The following ANKMY1 variants were observed in gnomAD, a reference collection of about 807,000 sequenced individuals.
ANKMY1 encodes ankyrin repeat and MYND domain containing 1.
A neutral mutation model predicts 102.0 loss-of-function variants in ANKMY1; 98 were observed. The ratio of observed to expected loss-of-function variants is 0.96; its 90% CI spans 0.82 to 1.14. The LOEUF (loss-of-function observed/expected upper bound fraction) is 1.14, where lower values mean the gene tolerates loss of function less well. Among genes scored for constraint, ANKMY1 ranks in the 50% most tolerant of loss-of-function variants. The pLI, the probability that ANKMY1 is intolerant of heterozygous loss-of-function variation, is 0.00. For missense variants in ANKMY1, 1,330 were observed against 1,347.6 expected (o/e 0.99, Z 0.20); for synonymous variants, 582 against 559.9 (o/e 1.04, Z -0.56).
In ANKMY1 at chr2:240,525,673, CG is replaced by C. The variant is rs1559325701; in HGVS notation, c.1335+11del. 2 of 1,612,744 alleles carry C rather than the reference CG, an allele frequency of 1.2e-6. No homozygotes were observed. The highest frequency in any genetic ancestry group is 1.7e-6 in the Non-Finnish European group (2 of 1,179,342). Reference sequence around the variant, plus strand: ...AGACAGTTGGTGGTGCAGTGGCCACCGGGGGGCTTACCTGGGGCTCAGGTAT... The same window carrying C: ...AGACAGTTGGTGGTGCAGTGGCCACCGGGGGCTTACCTGGGGCTCAGGTAT... On this transcript the variant is annotated intron_variant, in intron 7 of 17. Transcript: ENST00000401804.
In ANKMY1 at chr2:240,520,614, G is replaced by T. The variant is rs2082032626; in HGVS notation, c.1833-81C>A. ...CAGAACGGGGCCATGCCAGCGAGGA[G>T]GCTGGGGAGGGGCGCGTAGGGAGTA... On this transcript the variant is annotated intron_variant, in intron 8 of 17. Transcript: ENST00000401804. The surrounding 1 kb of genome is among the most constrained non-coding windows in gnomAD (Gnocchi z 4.8). The T allele has an allele frequency of 2.0e-6, 3 of 1,491,894 alleles. No individual in the cohort carries two copies. Among genetic ancestry groups the T allele is most frequent in the Non-Finnish European group, 2.7e-6 (3 of 1,117,202 alleles). 92.4% of individuals were successfully genotyped at this position (1,491,894 alleles called of 1,614,324 possible). A position where few individuals can be genotyped will look rare whatever the true frequency, so the allele number is the denominator to read the frequency against.
At chr2:240,507,767 GC>G in intron 12 of ANKMY1, 76 bp from the exon 13 acceptor site, 1 of 1,500,292 alleles carries the variant, frequency 6.7e-7, no homozygotes, top group South Asian at 1.4e-5. Context: ...CCAGGGCTGG[GC>G]CACTCCAGAA....
the ANKMY1 span, among the ~76,000 whole-genome samples, chr2:240,471,972 TG>T: frequency 6.6e-6 from 1 of 151,540 alleles, no homozygotes; most frequent in Non-Finnish European, 1.5e-5. Context: ...CCACCAACCT[TG>T]GTTCCACTGC....
chr2:240,551,934 G>GT (rs1424172000), intron 4 of ANKMY1, among the ~76,000 whole-genome samples: 1 of 152,176 alleles, frequency 6.6e-6, no homozygotes, highest in Non-Finnish European at 1.5e-5. Flanking sequence ...CTCTCAAAAA[G>GT]TATCAAAGAG....
chr2:240,557,488 C>T (rs957407910), intron 1 of ANKMY1, 136 bp from the exon 2 acceptor site: 4 of 1,009,170 alleles, frequency 4.0e-6, no homozygotes, highest in East Asian at 3.1e-5. Context: ...GAGCCTGGGC[C>T]GCCACCCACA....
intron 4 of ANKMY1, among the ~76,000 whole-genome samples, chr2:240,536,314 G>C (rs1180583226): frequency 6.6e-6 from 1 of 152,026 alleles, no homozygotes; most frequent in African/African-American, 2.4e-5. Flanking sequence ...TCGATGAACT[G>C]GATAAGAAAA....
intron 15 of ANKMY1, among the ~76,000 whole-genome samples, chr2:240,497,589 C>T (rs999925667): frequency 1.3e-5 from 2 of 152,182 alleles, no homozygotes; most frequent in African/African-American, 4.8e-5. Context: ...CTTGTTATGA[C>T]CACAGGAAGG....
At position 240,506,428 on chromosome 2, in the gene ANKMY1, T is replaced by G. The variant is rs1199151310; in HGVS notation, c.2526+1132A>C. 6.6e-6 allele frequency among the ~76,000 whole-genome samples: 1 copy of G among 152,196 alleles called. No individual in the cohort carries two copies. Among genetic ancestry groups the G allele is most frequent in the African/African-American group, 2.4e-5 (1 of 41,438 alleles). ...CCATCCTCTGCCGCCTATGGAAAACTGACTTCTGCGTCCTCACTTAGTCTA... is the reference window on the plus strand; with the variant it reads ...CCATCCTCTGCCGCCTATGGAAAACGGACTTCTGCGTCCTCACTTAGTCTA... On this transcript the variant is annotated intron_variant, in intron 13 of 17. Coordinates refer to ENST00000401804, the MANE Select transcript of ANKMY1 (RefSeq NM_001282771.3). The surrounding 1 kb of genome is among the most constrained non-coding windows in gnomAD (Gnocchi z 4.9).
chr2:240,526,099 G>T, intron 6 of ANKMY1, 130 bp downstream of exon 6: 1 of 1,168,008 alleles, frequency 8.6e-7, no homozygotes. Flanking sequence ...GCGAGGTGGA[G>T]GTGTGGACAA....
At chr2:240,477,967 G>A (rs1257561200), downstream of ANKMY1, among the ~76,000 whole-genome samples, 1 of 152,098 alleles carries the variant, frequency 6.6e-6, no homozygotes, top group Non-Finnish European at 1.5e-5. Context: ...CTATGTCTCT[G>A]CCCAAATCTC....
Position 240,482,267 on chromosome 2 carries a change from T to A in ANKMY1, c.2807-6A>T, listed in dbSNP as rs2075490377. On this transcript the variant is annotated splice_region_variant and splice_polypyrimidine_tract_variant and intron_variant, in intron 15 of 17. Transcript: ENST00000401804. ...GTGGCTGGGGATCAGCTCCGCTGCATGAGAGAGGGTCCCGCATTAGTACCC... is the reference window on the plus strand; with the variant it reads ...GTGGCTGGGGATCAGCTCCGCTGCAAGAGAGAGGGTCCCGCATTAGTACCC... 2 of 1,610,106 alleles carry A rather than the reference T, an allele frequency of 1.2e-6. No individual in the cohort carries two copies. The highest frequency in any genetic ancestry group is 1.7e-6 in the Non-Finnish European group (2 of 1,178,426).
the ANKMY1 span, among the ~76,000 whole-genome samples, chr2:240,470,052 TCACA>T: frequency 1.1e-4 from 17 of 152,150 alleles, no homozygotes; most frequent in East Asian, 1.7e-3. Context: ...ACGCATGCAC[TCACA>T]CAGAGACAGA....
chr2:240,486,405 TAAC>T (rs2076066018), intron 15 of ANKMY1, among the ~76,000 whole-genome samples: 1 of 152,242 alleles, frequency 6.6e-6, no homozygotes, highest in Admixed American at 6.5e-5. Context: ...TAAAGTCAAT[TAAC>T]AAAGAAGAAA....
At chr2:240,531,215 CTAAAA>C (rs1352681873) in intron 4 of ANKMY1, among the ~76,000 whole-genome samples, 1 of 152,146 alleles carries the variant, frequency 6.6e-6, no homozygotes, top group Non-Finnish European at 1.5e-5. Context: ...ATGAGAATGG[CTAAAA>C]TAAAAAGACT....
chr2:240,521,471 C>T (rs909332116), intron 8 of ANKMY1, among the ~76,000 whole-genome samples: 13 of 133,224 alleles, frequency 9.8e-5, no homozygotes, highest in African/African-American at 2.8e-4. Context: ...AATGAAGTCG[C>T]GGAACTCGCG....
In ANKMY1 at chr2:240,525,696, G is replaced by A. The variant is rs752046935; in HGVS notation, c.1324C>T (p.Pro442Ser). 6.2e-6 allele frequency: 10 copies of A among 1,613,926 alleles called. No homozygotes were observed. Among genetic ancestry groups the A allele is most frequent in the South Asian group, 2.2e-5 (2 of 91,076 alleles). ...FKPNVAERTI[P>S]EPQEPPKFPV... Reference sequence around the variant, plus strand: ...ACCGGGGGGCTTACCTGGGGCTCAGGTATGGTCCGTTCAGCAACATTGGGC... The same window carrying A: ...ACCGGGGGGCTTACCTGGGGCTCAGATATGGTCCGTTCAGCAACATTGGGC... Residue 442 changes from proline (P) to serine (S), a missense_variant, in exon 7 of 18, where the codon CCT (proline) becomes TCT (serine). Pro to Ser is a moderately conservative substitution (Grantham distance 74). Coordinates refer to ENST00000401804, the MANE Select transcript of ANKMY1 (RefSeq NM_001282771.3).
intron 4 of ANKMY1, among the ~76,000 whole-genome samples, chr2:240,542,722 A>G (rs909507939): frequency 3.4e-5 from 1 of 29,752 alleles, no homozygotes; most frequent in African/African-American, 7.9e-5. Context: ...GTTTATATCT[A>G]TATATATATA....
chr2:240,532,239 T>C (rs1016144538), intron 4 of ANKMY1: 3 of 353,040 alleles, frequency 8.5e-6, no homozygotes, highest in African/African-American at 4.4e-5. Context: ...ACAGCAAAGA[T>C]GGAAGCCAGG....
upstream of ANKMY1, chr2:240,560,112 T>C (rs562667813): frequency 1.3e-5 from 2 of 152,542 alleles, no homozygotes; most frequent in South Asian, 2.1e-4. Flanking sequence ...CCATGTGTTA[T>C]AATACATAGA....
Sources: allele counts gnomAD v4.1 joint callset (sites outside exome capture counted in the v4.1 genomes callset), GRCh38; gene constraint gnomAD v4.1.1; non-coding constraint Gnocchi (gnomAD v3.1); transcripts MANE v1.5; gene names NCBI Gene and HGNC (gene_info 2026-07-23, HGNC 2026-07-21).